Variants in YTHDC2 observed in about 807,000 individuals in gnomAD.
YTHDC2 encodes the protein 3'-5' RNA helicase YTHDC2.
Under a neutral mutation model 174.9 loss-of-function variants are expected in YTHDC2, and 45 were observed. The observed-to-expected ratio is 0.26, with a 90% CI of 0.20 to 0.33. The LOEUF is 0.33. Among genes scored for constraint, YTHDC2 ranks in the 10% least tolerant of loss-of-function variants. The pLI, the probability that YTHDC2 is intolerant of heterozygous loss-of-function variation, is 1.00. For missense variants in YTHDC2, 1,650 were observed against 1,723.7 expected (o/e 0.96, Z 0.76); for synonymous variants, 657 against 574.5 (o/e 1.14, Z -2.05).
intron 24 of YTHDC2, 100 bp from the exon 25 acceptor site, chr5:113,581,317 A>C: frequency 9.2e-7 from 1 of 1,090,294 alleles, no homozygotes; most frequent in Non-Finnish European, 1.2e-6. Flanking sequence ...ATGTGAAATA[A>C]GTTTGTTGGA....
chr5:113,581,901 T>A, intron 25 of YTHDC2, 192 bp downstream of exon 25: 2 of 429,804 alleles, frequency 4.7e-6, no homozygotes, highest in South Asian at 2.0e-4. Flanking sequence ...TAAGGTAATA[T>A]GAATTTTAAA....
At chr5:113,529,547 G>T (rs985643849) in intron 4 of YTHDC2, among the ~76,000 whole-genome samples, 4 of 152,144 alleles carry the variant, frequency 2.6e-5, no homozygotes, top group Admixed American at 2.0e-4. Context: ...GGGCAAGAAT[G>T]GATATAATTA....
intron 25 of YTHDC2, 147 bp from the exon 26 acceptor site, chr5:113,584,155 A>G (rs1778546378): frequency 1.1e-5 from 7 of 634,464 alleles, no homozygotes; most frequent in Non-Finnish European, 1.7e-5. Flanking sequence ...TGACCTTAGT[A>G]TTTTTAAATA....
chr5:113,520,023 A>G (rs976079015), intron 2 of YTHDC2, among the ~76,000 whole-genome samples: 1 of 152,082 alleles, frequency 6.6e-6, no homozygotes, highest in African/African-American at 2.4e-5. Context: ...CATGCATTAG[A>G]TATTAGTCCT....
intron 23 of YTHDC2, among the ~76,000 whole-genome samples, chr5:113,571,922 T>G (rs1410596695): frequency 6.6e-6 from 1 of 152,176 alleles, no homozygotes; most frequent in Non-Finnish European, 1.5e-5. Context: ...AAGAACCAGC[T>G]TTTTGATTTG....
intron 6 of YTHDC2, 33 bp downstream of exon 6, chr5:113,534,440 T>C: frequency 6.4e-7 from 1 of 1,565,712 alleles, no homozygotes; most frequent in Non-Finnish European, 8.8e-7. Flanking sequence ...CATATGTAAC[T>C]CAGATTGCTT....
intron 6 of YTHDC2, among the ~76,000 whole-genome samples, chr5:113,535,334 T>A (rs1025005821): frequency 5.9e-5 from 9 of 152,290 alleles, no homozygotes; most frequent in African/African-American, 2.2e-4. Context: ...GCATAGGATA[T>A]GTGCAAATAC....
intron 17 of YTHDC2, among the ~76,000 whole-genome samples, chr5:113,560,819 A>G (rs1198817155): frequency 1.3e-5 from 2 of 152,094 alleles, no homozygotes; most frequent in African/African-American, 2.4e-5. Context: ...TATGTATGCT[A>G]TTTCTTTTGA....
intron 21 of YTHDC2, among the ~76,000 whole-genome samples, chr5:113,566,444 A>AC (rs946841677): frequency 1.4e-5 from 2 of 138,652 alleles, no homozygotes; most frequent in Non-Finnish European, 3.1e-5. Context: ...ACTTGAAGTC[A>AC]CCTTTTTTTT....
chr5:113,536,386 G>A (rs533548512), intron 7 of YTHDC2, among the ~76,000 whole-genome samples: 28 of 152,270 alleles, frequency 1.8e-4, no homozygotes, highest in African/African-American at 6.3e-4. Flanking sequence ...TTAGCCAGGC[G>A]TGGTGGCACG....
At chr5:113,543,790 T>A (rs1775648239) in intron 10 of YTHDC2, among the ~76,000 whole-genome samples, 1 of 152,230 alleles carries the variant, frequency 6.6e-6, no homozygotes. Flanking sequence ...TCTTCATGTA[T>A]GCCAACACAT....
chr5:113,545,639 C>T (rs964006811), intron 10 of YTHDC2, among the ~76,000 whole-genome samples: 10 of 152,088 alleles, frequency 6.6e-5, no homozygotes, highest in African/African-American at 2.4e-4. Context: ...GCGACCTGCC[C>T]ACCTTTGCCT....
chr5:113,525,100 G>A lies in YTHDC2; in HGVS notation c.398G>A (p.Arg133Lys). 6.2e-7 allele frequency: 1 copy of A among 1,612,246 alleles called. No individual in the cohort carries two copies. Among genetic ancestry groups the A allele is most frequent in the East Asian group, 2.2e-5 (1 of 44,680 alleles). Residue 133 changes from arginine to lysine, a missense_variant, in exon 3 of 30, where the codon AGA becomes AAA. Physicochemically the swap from Arg to Lys is conservative, Grantham distance 26. Around this residue, in one of 5 missense-constraint regions of YTHDC2, gnomAD observed 304 missense variants for 341.4 expected, o/e 0.89. Coordinates refer to ENST00000161863, the MANE Select transcript of YTHDC2 (RefSeq NM_022828.5). Reference sequence around the variant, plus strand: ...CATGCTGTTAGGAGCCTAATTCAAAGATTTCCTGTCACCAATAAAGAGCGT... The same window carrying A: ...CATGCTGTTAGGAGCCTAATTCAAAAATTTCCTGTCACCAATAAAGAGCGT... ...TKHAVRSLIQ[R>K]FPVTNKERTE...
chr5:113,558,339 T>C (rs1441506053), intron 17 of YTHDC2, among the ~76,000 whole-genome samples: 1 of 152,184 alleles, frequency 6.6e-6, no homozygotes, highest in East Asian at 1.9e-4. Context: ...ACAAAAATGA[T>C]GGTAGGAGGA....
rs755211017 is a variant in YTHDC2 at position 113,524,988 on chromosome 5, G to A, written c.286G>A (p.Ala96Thr). The change falls in exon 3 of 30, where the codon GCA becomes ACA. Residue 96 changes from alanine to threonine, a missense_variant. Around this residue, in one of 5 missense-constraint regions of YTHDC2, gnomAD observed 304 missense variants for 341.4 expected, o/e 0.89. Transcript: ENST00000161863. ...ATTTTTATTAATATTCAGAAAGGGAGCAAATAGATACCTAACTGTGAAGAA... is the reference window on the plus strand; with the variant it reads ...ATTTTTATTAATATTCAGAAAGGGAACAAATAGATACCTAACTGTGAAGAA... Reference protein sequence around the residue: ...GLVSKSKGKGANRYLTVKKKD... With the variant: ...GLVSKSKGKGTNRYLTVKKKD... 2.5e-6 allele frequency: 4 copies of A among 1,596,774 alleles called. No individual in the cohort carries two copies. In the Admixed American group the frequency reaches 5.3e-5, roughly 21 times the overall value.
intron 23 of YTHDC2, among the ~76,000 whole-genome samples, chr5:113,569,915 T>C (rs562957671): frequency 7.2e-5 from 11 of 152,276 alleles, no homozygotes; most frequent in African/African-American, 2.4e-4. Flanking sequence ...AATCTGTAAA[T>C]TTCTCTGGGC....
chr5:113,557,709 A>T (rs1221818991), intron 17 of YTHDC2, among the ~76,000 whole-genome samples: 2 of 152,170 alleles, frequency 1.3e-5, no homozygotes, highest in Admixed American at 1.3e-4. Context: ...TGGGAGGATC[A>T]TCTGATCCTG....
chr5:113,548,800 T>A (rs1776058275), intron 11 of YTHDC2, 133 bp downstream of exon 11: 1 of 1,186,798 alleles, frequency 8.4e-7, no homozygotes, highest in Non-Finnish European at 1.1e-6. Flanking sequence ...TTTAATGGGT[T>A]AATAATTTTG....
At chr5:113,554,926 A>G (rs954928013) in intron 16 of YTHDC2, among the ~76,000 whole-genome samples, 1 of 151,994 alleles carries the variant, frequency 6.6e-6, no homozygotes, top group African/African-American at 2.4e-5. Flanking sequence ...GATAAAAATG[A>G]TCGTTTTTAA....
Sources: allele counts gnomAD v4.1 joint callset (sites outside exome capture counted in the v4.1 genomes callset), GRCh38; gene constraint gnomAD v4.1.1; regional missense constraint gnomAD v4.1.1; transcripts MANE v1.5; gene names NCBI Gene and HGNC (gene_info 2026-07-23, HGNC 2026-07-21).